Variants in IGF2BP3 observed in about 807,000 individuals in gnomAD.
The protein encoded by IGF2BP3 is insulin like growth factor 2 mRNA binding protein 3, also known as insulin-like growth factor 2 mRNA-binding protein 3.
Under a neutral mutation model 73.8 loss-of-function variants are expected in IGF2BP3, and 9 were observed. The observed-to-expected ratio is 0.12, with a 90% CI of 0.07 to 0.21. IGF2BP3 has a LOEUF of 0.21. Among genes scored for constraint, IGF2BP3 ranks in the 10% least tolerant of loss-of-function variants. The pLI, the probability that IGF2BP3 is intolerant of heterozygous loss-of-function variation, is 1.00. For synonymous variants in IGF2BP3, 258 were observed against 256.7 expected (o/e 1.01, Z -0.05); for missense variants, 542 against 714.0 (o/e 0.76, Z 2.75).
At chr7:23,371,537 TATATTTC>T (rs2128512007) in intron 3 of IGF2BP3, among the ~76,000 whole-genome samples, 1 of 152,352 alleles carries the variant, frequency 6.6e-6, no homozygotes, top group African/African-American at 2.4e-5. Context: ...CACCTTAATG[TATATTTC>T]TCTAAAATGT....
At chr7:23,403,898 G>C (rs896018194) in intron 3 of IGF2BP3, among the ~76,000 whole-genome samples, 1 of 151,988 alleles carries the variant, frequency 6.6e-6, no homozygotes, top group African/African-American at 2.4e-5. Flanking sequence ...CAAGGGAGGA[G>C]GATCGCTTAA....
chr7:23,344,967 T>G (rs1411159646), intron 8 of IGF2BP3, among the ~76,000 whole-genome samples: 15 of 152,216 alleles, frequency 9.9e-5, no homozygotes. Flanking sequence ...CTTTTAAAAC[T>G]CTCCCCTTTC....
At position 23,315,558 on chromosome 7, in the gene IGF2BP3, A is replaced by G. The variant is rs760761608; in HGVS notation, c.1396-1905T>C. ...TGACAAGCTGCCAGGGTAAACCACAAAAAACAATAGTACCCAACACGCGTT... is the reference window on the plus strand; with the variant it reads ...TGACAAGCTGCCAGGGTAAACCACAGAAAACAATAGTACCCAACACGCGTT... On this transcript the variant is annotated intron_variant, in intron 12 of 14. Transcript: ENST00000258729. 4.5e-4 allele frequency among the ~76,000 whole-genome samples: 68 copies of G among 152,250 alleles called. 1 individual carries two copies. Among genetic ancestry groups the G allele is most frequent in the Non-Finnish European group, 8.5e-4 (58 of 68,048 alleles).
intron 3 of IGF2BP3, among the ~76,000 whole-genome samples, chr7:23,371,049 A>G (rs1005396647): frequency 1.3e-5 from 2 of 152,170 alleles, no homozygotes; most frequent in African/African-American, 4.8e-5. Flanking sequence ...TATACAAAAG[A>G]TATAGAAGTG....
intron 2 of IGF2BP3, among the ~76,000 whole-genome samples, chr7:23,438,098 C>T (rs1009062702): frequency 1.3e-5 from 2 of 152,208 alleles, no homozygotes; most frequent in Admixed American, 1.3e-4. Flanking sequence ...GGAGGAAACA[C>T]TAGAAATTAT....
chr7:23,409,351 T>G (rs897492810), intron 3 of IGF2BP3, among the ~76,000 whole-genome samples: 1 of 152,254 alleles, frequency 6.6e-6, no homozygotes, highest in Admixed American at 6.5e-5. Context: ...GTTGTTAACT[T>G]ATTGCAATCC....
At chr7:23,438,623 ATTT>A (rs1437799798) in intron 2 of IGF2BP3, among the ~76,000 whole-genome samples, 1 of 151,778 alleles carries the variant, frequency 6.6e-6, no homozygotes, top group African/African-American at 2.4e-5. Flanking sequence ...TTTTTAAAAA[ATTT>A]TTTAATTCCT....
intron 6 of IGF2BP3, among the ~76,000 whole-genome samples, chr7:23,350,223 A>G (rs1260624888): frequency 1.3e-5 from 2 of 152,232 alleles, no homozygotes; most frequent in Non-Finnish European, 2.9e-5. Context: ...AAACACATAA[A>G]GTATACACAG....
intron 2 of IGF2BP3, among the ~76,000 whole-genome samples, chr7:23,464,889 A>G (rs1219862436): frequency 1.3e-5 from 2 of 152,154 alleles, no homozygotes; most frequent in African/African-American, 4.8e-5. Flanking sequence ...AGGAAGTTTA[A>G]TAAAAATATG....
At chr7:23,412,641 C>T (rs1787060723) in intron 3 of IGF2BP3, among the ~76,000 whole-genome samples, 1 of 152,102 alleles carries the variant, frequency 6.6e-6, no homozygotes, top group South Asian at 2.1e-4. Flanking sequence ...TGACAACCTT[C>T]CTTGCCCTTT....
intron 3 of IGF2BP3, among the ~76,000 whole-genome samples, chr7:23,384,762 G>C (rs559561335): frequency 6.6e-6 from 1 of 152,108 alleles, no homozygotes; most frequent in Non-Finnish European, 1.5e-5. Context: ...GTGGTGGTGC[G>C]TGCCTGTGGT....
At chr7:23,337,075 G>T (rs1784592781) in intron 10 of IGF2BP3, among the ~76,000 whole-genome samples, 1 of 152,132 alleles carries the variant, frequency 6.6e-6, no homozygotes, top group African/African-American at 2.4e-5. Flanking sequence ...ACACAAAATA[G>T]TTAAGTATTA....
chr7:23,355,769 C>A lies in IGF2BP3; in HGVS notation c.402-4183G>T, dbSNP rs144932043. Among the ~76,000 whole-genome samples the A allele has an allele frequency of 2.5e-3, 376 of 152,100 alleles. 3 individuals carry two copies. The highest frequency in any genetic ancestry group is 8.6e-3 in the African/African-American group (357 of 41,522). On this transcript the variant is annotated intron_variant, in intron 5 of 14. Transcript: ENST00000258729. ...ACAATATGACAAAACTCTGTCTCTA[C>A]TAAAAGTACAAAAATTAGCCAGGCA...
intron 3 of IGF2BP3, among the ~76,000 whole-genome samples, chr7:23,374,209 T>C (rs947873814): frequency 6.6e-6 from 1 of 151,974 alleles, no homozygotes; most frequent in Admixed American, 6.6e-5. Context: ...AGCCAATAAT[T>C]GAAAGGTGAA....
At chr7:23,392,483 T>C (rs1417922648) in intron 3 of IGF2BP3, among the ~76,000 whole-genome samples, 16 of 150,782 alleles carry the variant, frequency 1.1e-4, no homozygotes, top group Admixed American at 1.1e-3. Context: ...TATATATATA[T>C]ATACACACAT....
Position 23,311,060 on chromosome 7 carries a change from G to C in IGF2BP3, c.*1302C>G, listed in dbSNP as rs987245248. The C allele has an allele frequency of 2.0e-4, 30 of 151,726 alleles. No homozygotes were observed. The highest frequency in any genetic ancestry group is 2.0e-4 in the Admixed American group (3 of 15,228). 9.4% of individuals were successfully genotyped at this position (151,726 alleles called of 1,614,324 possible). A position where few individuals can be genotyped will look rare whatever the true frequency, so the allele number is the denominator to read the frequency against. Reference sequence around the variant, plus strand: ...CTTTTGACTTTTTTTTCAAAGAACTGATTGCACAGTATACAGAAATCCTGT... The same window carrying C: ...CTTTTGACTTTTTTTTCAAAGAACTCATTGCACAGTATACAGAAATCCTGT... On this transcript the variant is annotated 3_prime_UTR_variant, in exon 15 of 15. Transcript: ENST00000258729.
intron 3 of IGF2BP3, among the ~76,000 whole-genome samples, chr7:23,404,775 A>C: frequency 6.6e-6 from 1 of 151,768 alleles, no homozygotes; most frequent in Admixed American, 6.6e-5. Flanking sequence ...GGGGGTGGGG[A>C]TGGCCTTAGT....
chr7:23,353,910 T>A (rs1038832654), intron 5 of IGF2BP3, among the ~76,000 whole-genome samples: 5 of 152,240 alleles, frequency 3.3e-5, no homozygotes, highest in African/African-American at 7.2e-5. Context: ...GCTGATATAT[T>A]TTAATATTTA....
intron 10 of IGF2BP3, among the ~76,000 whole-genome samples, chr7:23,334,802 T>G (rs1302517753): frequency 6.6e-6 from 1 of 152,188 alleles, no homozygotes; most frequent in Non-Finnish European, 1.5e-5. Context: ...TCATCTATCG[T>G]GAAGACATAC....
Sources: gnomAD v4.1 joint callset for allele counts (sites outside exome capture counted in the v4.1 genomes callset) on GRCh38, gnomAD v4.1.1 for gene constraint, MANE v1.5 for transcripts, NCBI Gene and HGNC (gene_info 2026-07-23, HGNC 2026-07-21) for gene names.